The following PDE3B variants were observed in gnomAD, a reference collection of about 807,000 sequenced individuals.
PDE3B encodes the protein cGMP-inhibited 3',5'-cyclic phosphodiesterase 3B.
Under a neutral mutation model 116.8 loss-of-function variants are expected in PDE3B, and 66 were observed. The ratio of observed to expected loss-of-function variants is 0.56; its 90% confidence interval spans 0.46 to 0.69. The LOEUF (loss-of-function observed/expected upper bound fraction) is 0.69, where lower values mean the gene tolerates loss of function less well. Ranked by LOEUF, PDE3B falls within the 30% of genes least tolerant of loss-of-function variation. The pLI is 0.00. For missense variants in PDE3B, 1,384 were observed against 1,368.1 expected (o/e 1.01, Z -0.18); for synonymous variants, 595 against 533.6 (o/e 1.12, Z -1.59).
chr11:14,891,203 C>T, the PDE3B span: 1 of 985,362 alleles, frequency 1.0e-6, no homozygotes, highest in Non-Finnish European at 1.2e-6. Context: ...CATTTCCGTG[C>T]TGCTTTCCCC....
chr11:14,654,042 T>C (rs1237668066), intron 1 of PDE3B, among the ~76,000 whole-genome samples: 1 of 151,888 alleles, frequency 6.6e-6, no homozygotes, highest in Admixed American at 6.6e-5. Flanking sequence ...CACAAAGTTA[T>C]ATAGGTCAGA....
intron 5 of PDE3B, among the ~76,000 whole-genome samples, chr11:14,814,757 C>T (rs963039686): frequency 2.0e-5 from 3 of 151,844 alleles, no homozygotes; most frequent in East Asian, 1.9e-4. Flanking sequence ...GTCAGGAGTT[C>T]GAGGCCAGCC....
chr11:14,880,307 C>A, the PDE3B span: 1 of 1,613,202 alleles, frequency 6.2e-7, no homozygotes, highest in Non-Finnish European at 8.5e-7. Flanking sequence ...TAAGCATCAA[C>A]AAAATGCTGA....
intron 5 of PDE3B, among the ~76,000 whole-genome samples, chr11:14,810,402 G>C (rs1859090078): frequency 6.8e-6 from 1 of 146,220 alleles, no homozygotes; most frequent in African/African-American, 2.6e-5. Context: ...CCACCTACAA[G>C]TGAGAATATG....
chr11:14,808,916 A>T (rs988867280), intron 5 of PDE3B, among the ~76,000 whole-genome samples: 1 of 152,228 alleles, frequency 6.6e-6, no homozygotes, highest in Non-Finnish European at 1.5e-5. Context: ...ACTTAATATT[A>T]TTAAGATGGC....
chr11:14,696,371 T>C (rs1227777202), intron 1 of PDE3B, among the ~76,000 whole-genome samples: 1 of 152,168 alleles, frequency 6.6e-6, no homozygotes, highest in Non-Finnish European at 1.5e-5. Context: ...CAGTAGAAAC[T>C]CCAAGCAGTT....
chr11:14,670,361 A>G (rs1854325547), intron 1 of PDE3B, among the ~76,000 whole-genome samples: 1 of 152,194 alleles, frequency 6.6e-6, no homozygotes. Flanking sequence ...CTGTTAATAA[A>G]TGTTACCTAT....
At chr11:14,796,539 C>T (rs10766193) in intron 4 of PDE3B, among the ~76,000 whole-genome samples, 99,853 of 152,072 alleles carry the variant, frequency 0.66, 33,063 homozygotes, top group African/African-American at 0.74. Flanking sequence ...TGTTGTTTCC[C>T]GACTTTTTAA....
chr11:14,792,393 A>G (rs1477488322), intron 4 of PDE3B, among the ~76,000 whole-genome samples: 1 of 149,822 alleles, frequency 6.7e-6, no homozygotes, highest in African/African-American at 2.5e-5. Flanking sequence ...ACAATGAAAT[A>G]TATATAAGGT....
intron 1 of PDE3B, among the ~76,000 whole-genome samples, chr11:14,734,843 C>T (rs1021693824): frequency 1.3e-5 from 2 of 152,080 alleles, no homozygotes; most frequent in African/African-American, 4.8e-5. Context: ...CCAATACAAC[C>T]ACAAAAACCT....
At chr11:14,821,438 A>G (rs1859511623) in intron 7 of PDE3B, among the ~76,000 whole-genome samples, 1 of 152,218 alleles carries the variant, frequency 6.6e-6, no homozygotes, top group African/African-American at 2.4e-5. Context: ...ACATCTTTAG[A>G]AAGAAATGCT....
At chr11:14,688,471 T>A (rs939617623) in intron 1 of PDE3B, among the ~76,000 whole-genome samples, 4 of 152,160 alleles carry the variant, frequency 2.6e-5, no homozygotes, top group Non-Finnish European at 5.9e-5. Flanking sequence ...GTGTTTACAA[T>A]GAGGCCTTTC....
At chr11:14,733,161 C>T (rs886134284) in intron 1 of PDE3B, among the ~76,000 whole-genome samples, 7 of 152,206 alleles carry the variant, frequency 4.6e-5, no homozygotes, top group African/African-American at 1.7e-4. Flanking sequence ...GATTTTTACT[C>T]ATTAGAAGTT....
intron 1 of PDE3B, among the ~76,000 whole-genome samples, chr11:14,667,841 T>C (rs1176197945): frequency 6.6e-6 from 1 of 150,394 alleles, no homozygotes; most frequent in African/African-American, 2.5e-5. Flanking sequence ...AGTATAATAA[T>C]AATAATAATA....
At position 14,859,031 on chromosome 11, in the gene PDE3B, A is replaced by G. The variant is rs1847899030; in HGVS notation, c.2521-12A>G. On this transcript the variant is annotated splice_polypyrimidine_tract_variant and intron_variant, in intron 12 of 15. Transcript: ENST00000282096. ...TGAGGTGTCTGCCTCATTTTTCTAT[A>G]TTTCTTTTTAGGCAGTTTTATACAA... The G allele has an allele frequency of 6.3e-7, 1 of 1,585,048 alleles. No individual in the cohort carries two copies. The highest frequency in any genetic ancestry group is 8.6e-7 in the Non-Finnish European group (1 of 1,161,224).
chr11:14,697,559 T>G (rs1855244950), intron 1 of PDE3B, among the ~76,000 whole-genome samples: 1 of 152,154 alleles, frequency 6.6e-6, no homozygotes, highest in African/African-American at 2.4e-5. Flanking sequence ...CCTTGGCTAG[T>G]CTAGGACCTT....
At chr11:14,712,464 TTG>T (rs1348140188) in intron 1 of PDE3B, among the ~76,000 whole-genome samples, 42 of 118,552 alleles carry the variant, frequency 3.5e-4, no homozygotes, top group African/African-American at 1.2e-3. Flanking sequence ...ACGTACAAGC[TTG>T]TTTTTTTTTT....
chr11:14,868,513 T>TA (rs1173822783), intron 15 of PDE3B, among the ~76,000 whole-genome samples: 1 of 152,208 alleles, frequency 6.6e-6, no homozygotes, highest in African/African-American at 2.4e-5. Flanking sequence ...GAATTTGAGT[T>TA]ACCAAACTGT....
At chr11:14,844,079 T>C (rs1565161235) in intron 12 of PDE3B, 53 bp downstream of exon 12, 1 of 1,297,208 alleles carries the variant, frequency 7.7e-7, no homozygotes, top group South Asian at 1.2e-5. Flanking sequence ...TTTTCAGTCA[T>C]GCTGTGTATC....
Sources: gnomAD v4.1 joint callset for allele counts (sites outside exome capture counted in the v4.1 genomes callset) on GRCh38, gnomAD v4.1.1 for gene constraint, MANE v1.5 for transcripts, NCBI Gene and HGNC (gene_info 2026-07-23, HGNC 2026-07-21) for gene names.